ZFAT: variants seen among roughly 807,000 people sequenced by gnomAD.
ZFAT encodes zinc finger and AT-hook domain containing.
ZFAT carries 64 observed loss-of-function variants against 117.7 expected under a neutral mutation model. The ratio of observed to expected loss-of-function variants is 0.54; its 90% CI spans 0.44 to 0.67. ZFAT has a LOEUF of 0.67. Among genes scored for constraint, ZFAT ranks in the 30% least tolerant of loss-of-function variants. ZFAT has a pLI of 0.00. For missense variants in ZFAT, 1,433 were observed against 1,584.5 expected (o/e 0.90, Z 1.62); for synonymous variants, 679 against 615.0 (o/e 1.10, Z -1.54).
At chr8:134,494,085 T>C (rs1483587136) in intron 15 of ZFAT, among the ~76,000 whole-genome samples, 1 of 152,184 alleles carries the variant, frequency 6.6e-6, no homozygotes, top group African/African-American at 2.4e-5. Flanking sequence ...GTGCCAGGCC[T>C]GGCGTGGCAG....
chr8:134,644,847 ACAC>A (rs1358223288), intron 2 of ZFAT, among the ~76,000 whole-genome samples: 1 of 152,128 alleles, frequency 6.6e-6, no homozygotes. Flanking sequence ...GCACACTCAC[ACAC>A]CATCTATATA....
At chr8:134,668,283 G>C (rs924403460) in intron 1 of ZFAT, among the ~76,000 whole-genome samples, 1 of 152,212 alleles carries the variant, frequency 6.6e-6, no homozygotes, top group African/African-American at 2.4e-5. Flanking sequence ...CATGGAGTTT[G>C]AGATCTGAGA....
At chr8:134,570,212 T>G (rs972325197) in intron 10 of ZFAT, among the ~76,000 whole-genome samples, 1 of 152,188 alleles carries the variant, frequency 6.6e-6, no homozygotes. Context: ...TGTTCAAATG[T>G]CACCTTCACA....
intron 2 of ZFAT, among the ~76,000 whole-genome samples, chr8:134,653,333 GT>G (rs1248861939): frequency 6.3e-5 from 9 of 143,950 alleles, no homozygotes; most frequent in Non-Finnish European, 1.0e-4. Flanking sequence ...CTGGAGTGCA[GT>G]GGTGCAATCA....
chr8:134,626,655 G>T (rs1800749589), intron 3 of ZFAT, among the ~76,000 whole-genome samples: 1 of 152,258 alleles, frequency 6.6e-6, no homozygotes, highest in African/African-American at 2.4e-5. Context: ...AAGTTTGGAA[G>T]TGTGTAAACA....
chr8:134,509,280 G>A (rs891984147), intron 15 of ZFAT, among the ~76,000 whole-genome samples: 1 of 152,102 alleles, frequency 6.6e-6, no homozygotes, highest in Non-Finnish European at 1.5e-5. Flanking sequence ...TACTAATGGC[G>A]CCTTAGGCAC....
chr8:134,769,888 G>A, the ZFAT span, among the ~76,000 whole-genome samples: 1 of 152,200 alleles, frequency 6.6e-6, no homozygotes, highest in Non-Finnish European at 1.5e-5. Flanking sequence ...CAAACCTTGG[G>A]GCTTGCACCC....
At chr8:134,715,398 T>C (rs1303807580), upstream of ZFAT, among the ~76,000 whole-genome samples, 1 of 152,242 alleles carries the variant, frequency 6.6e-6, no homozygotes, top group Admixed American at 6.5e-5. Context: ...TGAGCACCTA[T>C]TATTACTGGA....
intron 11 of ZFAT, among the ~76,000 whole-genome samples, chr8:134,559,108 T>C (rs1471655162): frequency 6.6e-6 from 1 of 152,222 alleles, no homozygotes; most frequent in Non-Finnish European, 1.5e-5. Flanking sequence ...TACGTTGCTG[T>C]TTTTTACTTA....
the ZFAT span, among the ~76,000 whole-genome samples, chr8:134,727,356 G>A: frequency 6.6e-6 from 1 of 152,120 alleles, no homozygotes; most frequent in Non-Finnish European, 1.5e-5. Context: ...TCAGGACACT[G>A]CTGTGTTTGA....
chr8:134,773,647 G>A, the ZFAT span, among the ~76,000 whole-genome samples: 1 of 152,182 alleles, frequency 6.6e-6, no homozygotes, highest in South Asian at 2.1e-4. Flanking sequence ...TTCATGGGAG[G>A]CGGTCAAAAC....
At chr8:134,645,843 C>G (rs551530569) in intron 2 of ZFAT, among the ~76,000 whole-genome samples, 16 of 152,266 alleles carry the variant, frequency 1.1e-4, no homozygotes, top group Non-Finnish European at 2.1e-4. Context: ...AAAGTATTCT[C>G]AAGTCCACAT....
At chr8:134,516,847 C>A (rs902541067) in intron 13 of ZFAT, among the ~76,000 whole-genome samples, 2 of 97,588 alleles carry the variant, frequency 2.0e-5, no homozygotes, top group Admixed American at 2.2e-4. Context: ...GTAGCCAGAC[C>A]CTATCTCTCA....
chr8:134,651,902 T>C (rs1186101525), intron 2 of ZFAT, among the ~76,000 whole-genome samples: 2 of 151,860 alleles, frequency 1.3e-5, no homozygotes, highest in Non-Finnish European at 2.9e-5. Flanking sequence ...AAAGTCAGAT[T>C]GACAGCTGGC....
At chr8:134,479,508 A>C (rs1274922721) in intron 15 of ZFAT, among the ~76,000 whole-genome samples, 1 of 152,224 alleles carries the variant, frequency 6.6e-6, no homozygotes, top group Non-Finnish European at 1.5e-5. Flanking sequence ...TTTTTAAATA[A>C]CAACTGTCTT....
At chr8:134,710,506 C>T (rs141710477) in intron 1 of ZFAT, among the ~76,000 whole-genome samples, 106 of 152,340 alleles carry the variant, frequency 7.0e-4, no homozygotes, top group African/African-American at 2.3e-3. Context: ...TATGATCCAG[C>T]ATAGCGCATG....
intron 7 of ZFAT, chr8:134,599,474 G>T (rs1827239809): frequency 3.7e-6 from 1 of 272,834 alleles, no homozygotes; most frequent in Non-Finnish European, 7.2e-6. Context: ...ATTTCATACA[G>T]GTCTCAGGGA....
chr8:134,716,849 G>A (rs1159910575), upstream of ZFAT, among the ~76,000 whole-genome samples: 1 of 152,206 alleles, frequency 6.6e-6, no homozygotes, highest in Non-Finnish European at 1.5e-5. Flanking sequence ...TAAAGAGACA[G>A]GTTTGGTAGA....
At chr8:134,551,433 T>C (rs1018845301) in intron 11 of ZFAT, among the ~76,000 whole-genome samples, 1 of 152,226 alleles carries the variant, frequency 6.6e-6, no homozygotes. Flanking sequence ...ACCCGTCTTA[T>C]TCATTCTAAT....
Sources: allele counts gnomAD v4.1 joint callset (sites outside exome capture counted in the v4.1 genomes callset), GRCh38; gene constraint gnomAD v4.1.1; transcripts MANE v1.5; gene names NCBI Gene and HGNC (gene_info 2026-07-23, HGNC 2026-07-21).